Variants in FOXJ3 observed in about 807,000 individuals in gnomAD.
The protein encoded by FOXJ3 is forkhead box J3, also known as forkhead box protein J3.
In FOXJ3, 22 loss-of-function variants were observed where a neutral mutation model predicts 76.1. The observed-to-expected ratio is 0.29, with a 90% confidence interval of 0.21 to 0.41. FOXJ3 has a LOEUF of 0.41. Among genes scored for constraint, FOXJ3 ranks in the 10% least tolerant of loss-of-function variants. The probability of loss-of-function intolerance (pLI) is 1.00; values close to 1 mark genes in which losing one functional copy is unlikely to be tolerated. For missense variants in FOXJ3, 613 were observed against 762.1 expected, an observed-to-expected ratio of 0.80 and a Z score of 2.30; for synonymous variants, 269 against 261.2, an observed-to-expected ratio of 1.03 and a Z score of -0.29.
intron 4 of FOXJ3, among the ~76,000 whole-genome samples, chr1:42,262,781 G>A (rs952858526): frequency 5.9e-5 from 9 of 152,140 alleles, no homozygotes; most frequent in East Asian, 1.9e-4. Flanking sequence ...CCCGGGAGAC[G>A]GAGGCTGCAG....
At chr1:42,185,970 C>T (rs1220168398) in intron 11 of FOXJ3, among the ~76,000 whole-genome samples, 1 of 152,082 alleles carries the variant, frequency 6.6e-6, no homozygotes, top group East Asian at 1.9e-4. Flanking sequence ...AAGACCTACA[C>T]CTAAATGAAT....
At chr1:42,230,866 A>T (rs976896542) in intron 4 of FOXJ3, among the ~76,000 whole-genome samples, 1 of 152,202 alleles carries the variant, frequency 6.6e-6, no homozygotes, top group Non-Finnish European at 1.5e-5. Context: ...TCCAAAAGAT[A>T]CGAAAGCAGG....
rs569805062 is a variant in FOXJ3, at chr1:42,310,916, T to C, written c.44+134A>G. 71 of 562,270 alleles carry C rather than the reference T, an allele frequency of 1.3e-4. No homozygotes were observed. The Admixed American group carries it at 1.6e-3, about 13-fold the overall frequency. The allele number at this position is 562,270 out of a possible 1,614,324, so 34.8% of individuals were successfully genotyped here. A position where few individuals can be genotyped will look rare whatever the true frequency, so the allele number is the denominator to read the frequency against. On this transcript the variant is annotated intron_variant, in intron 2 of 12. Coordinates refer to ENST00000361346, the MANE Select transcript of FOXJ3 (RefSeq NM_014947.5). ...AGAAATATCATTCCATTCCGCCAAA[T>C]TGCACTACTTGACAAAACAAGCTAC... is the stretch of plus-strand genomic sequence containing the variant.
intron 8 of FOXJ3, among the ~76,000 whole-genome samples, chr1:42,193,338 G>C (rs995471291): frequency 6.7e-6 from 1 of 149,480 alleles, no homozygotes; most frequent in African/African-American, 2.5e-5. Context: ...GAGATGAGAA[G>C]TAAACTCAGT....
At chr1:42,250,703 C>A (rs974683526) in intron 4 of FOXJ3, among the ~76,000 whole-genome samples, 4 of 150,040 alleles carry the variant, frequency 2.7e-5, no homozygotes, top group Non-Finnish European at 3.0e-5. Context: ...GTAATCTCAG[C>A]TACTCAGGAG....
intron 12 of FOXJ3, among the ~76,000 whole-genome samples, chr1:42,180,337 G>A (rs1295568628): frequency 6.6e-6 from 1 of 152,170 alleles, no homozygotes; most frequent in African/African-American, 2.4e-5. Flanking sequence ...CAGGAAACCA[G>A]AAGGAACCAC....
chr1:42,313,864 T>C (rs1311310833), intron 1 of FOXJ3, among the ~76,000 whole-genome samples: 3 of 152,188 alleles, frequency 2.0e-5, no homozygotes, highest in African/African-American at 7.2e-5. Context: ...ATTTACCTAG[T>C]CTTGTATTTT....
intron 4 of FOXJ3, among the ~76,000 whole-genome samples, chr1:42,234,533 G>T (rs1451220760): frequency 2.6e-5 from 4 of 152,022 alleles, no homozygotes; most frequent in African/African-American, 4.8e-5. Flanking sequence ...TTGTGGTTTT[G>T]TCTACCTTTG....
Position 42,206,862 on chromosome 1 carries a change from G to A in FOXJ3, c.529-999C>T, listed in dbSNP as rs181861982. Among the ~76,000 whole-genome samples, 77 of 151,934 alleles carry A rather than the reference G, an allele frequency of 5.1e-4. 1 individual carries two copies. In the East Asian group the frequency reaches 9.7e-3, roughly 19 times the overall value. ...TTCTTGTTTTTTGGGATGGAGTCTC[G>A]CTCTGTTGCCCAGGCTGTAGTGCAG... On this transcript the variant is annotated intron_variant, in intron 5 of 12. Coordinates refer to ENST00000361346, the MANE Select transcript of FOXJ3 (RefSeq NM_014947.5).
intron 1 of FOXJ3, among the ~76,000 whole-genome samples, chr1:42,312,956 A>T (rs1654896796): frequency 6.6e-6 from 1 of 152,176 alleles, no homozygotes; most frequent in Non-Finnish European, 1.5e-5. Flanking sequence ...CTGGGAGGGG[A>T]TCAGGGACTG....
At position 42,282,068 on chromosome 1, in the gene FOXJ3, GA is replaced by G. The variant is rs202102061; in HGVS notation, c.45-3397del. On this transcript the variant is annotated intron_variant, in intron 2 of 12. Coordinates refer to ENST00000361346, the MANE Select transcript of FOXJ3 (RefSeq NM_014947.5). Reference sequence around the variant, plus strand: ...AGCGAGACTCAGTCTCAAAAAAGGAGAAAAAAAAAAAAAAGAAACAAACAAA... The same window carrying G: ...AGCGAGACTCAGTCTCAAAAAAGGAGAAAAAAAAAAAAAGAAACAAACAAA... 7.9e-3 allele frequency among the ~76,000 whole-genome samples: 934 copies of G among 118,578 alleles called. 7 individuals carry two copies. The highest frequency in any genetic ancestry group is 0.023 in the African/African-American group (722 of 31,498). The allele number at this position is 118,578 out of a possible 152,430, so 77.8% of individuals were successfully genotyped here.
At chr1:42,206,458 G>A (rs1646863769) in intron 5 of FOXJ3, among the ~76,000 whole-genome samples, 2 of 152,114 alleles carry the variant, frequency 1.3e-5, no homozygotes, top group Non-Finnish European at 2.9e-5. Flanking sequence ...GGAAAAACAG[G>A]ATTAGAAGGA....
At chr1:42,288,981 T>A (rs917475074) in intron 2 of FOXJ3, among the ~76,000 whole-genome samples, 4 of 152,182 alleles carry the variant, frequency 2.6e-5, no homozygotes, top group African/African-American at 9.7e-5. Flanking sequence ...TGTTATATGC[T>A]GTACACTACG....
chr1:42,219,118 A>T (rs1054314695), intron 5 of FOXJ3, among the ~76,000 whole-genome samples: 1 of 152,194 alleles, frequency 6.6e-6, no homozygotes, highest in Non-Finnish European at 1.5e-5. Flanking sequence ...GTTTCCTGTG[A>T]TCAACTATGG....
intron 6 of FOXJ3, among the ~76,000 whole-genome samples, chr1:42,204,314 CTATG>C (rs1646819535): frequency 6.6e-6 from 1 of 151,802 alleles, no homozygotes; most frequent in African/African-American, 2.4e-5. Context: ...GGGTGTGTGG[CTATG>C]TATGTCTGGT....
chr1:42,181,910 CTCTT>C lies in FOXJ3; in HGVS notation c.1753+3_1753+6del. Reference sequence around the variant, plus strand: ...ACACACACACTCACTCTCTCTCTCTCTCTTACCTGCCATCGTTGTTCCTGGAGTG... The same window carrying C: ...ACACACACACTCACTCTCTCTCTCTCACCTGCCATCGTTGTTCCTGGAGTG... On this transcript the variant is annotated splice_donor_5th_base_variant and intron_variant, in intron 12 of 12. Coordinates refer to ENST00000361346, the MANE Select transcript of FOXJ3 (RefSeq NM_014947.5). The C allele has an allele frequency of 1.3e-6, 2 of 1,575,418 alleles. No homozygotes were observed. Among genetic ancestry groups the C allele is most frequent in the East Asian group, 2.2e-5 (1 of 44,634 alleles).
At chr1:42,240,517 G>A (rs1292638429) in intron 4 of FOXJ3, among the ~76,000 whole-genome samples, 4 of 152,288 alleles carry the variant, frequency 2.6e-5, no homozygotes, top group Non-Finnish European at 4.4e-5. Context: ...CAGACATACA[G>A]ATCAATGGAA....
intron 1 of FOXJ3, among the ~76,000 whole-genome samples, chr1:42,333,928 G>A (rs550474444): frequency 6.6e-6 from 1 of 152,222 alleles, no homozygotes; most frequent in East Asian, 1.9e-4. Flanking sequence ...AAAATAGAAG[G>A]AAGAAAACAC....
rs1458271521 is a variant in FOXJ3 at position 42,176,821 on chromosome 1, A to G, written c.*2889T>C. On this transcript the variant is annotated 3_prime_UTR_variant, in exon 13 of 13. Coordinates refer to ENST00000361346, the MANE Select transcript of FOXJ3 (RefSeq NM_014947.5). The stretch of plus-strand genomic sequence containing the variant: ...ACATATATACAATATAGATATGTAC[A>G]CATCACCCTCTGAATGAACAATATC... 6.6e-6 allele frequency: 1 copy of G among 152,658 alleles called. No homozygotes were observed. 9.5% of individuals were successfully genotyped at this position (152,658 alleles called of 1,614,324 possible). A position where few individuals can be genotyped will look rare whatever the true frequency, so the allele number is the denominator to read the frequency against.
Sources: allele counts gnomAD v4.1 joint callset (sites outside exome capture counted in the v4.1 genomes callset), GRCh38; gene constraint gnomAD v4.1.1; transcripts MANE v1.5; gene names NCBI Gene and HGNC (gene_info 2026-07-23, HGNC 2026-07-21).